FGF12: variants seen among roughly 807,000 people sequenced by gnomAD.
FGF12 encodes the protein fibroblast growth factor 12.
Under a neutral mutation model 23.6 loss-of-function variants are expected in FGF12, and 14 were observed. That is an observed-to-expected ratio of 0.59 (90% CI 0.39 to 0.93). The LOEUF (loss-of-function observed/expected upper bound fraction) is 0.93. Ranked by LOEUF, FGF12 falls within the 40% of genes least tolerant of loss-of-function variation. FGF12 has a pLI of 0.00. For missense variants in FGF12, 175 were observed against 217.8 expected (o/e 0.80, Z 1.24); for synonymous variants, 62 against 77.3 (o/e 0.80, Z 1.04).
chr3:192,414,095 C>T (rs1721275683), intron 2 of FGF12, among the ~76,000 whole-genome samples: 1 of 152,116 alleles, frequency 6.6e-6, no homozygotes, highest in South Asian at 2.1e-4. Context: ...GATTTAATTC[C>T]TCTTTATGAC....
chr3:192,435,194 A>AT (rs1721979667), intron 2 of FGF12, among the ~76,000 whole-genome samples: 1 of 152,214 alleles, frequency 6.6e-6, no homozygotes, highest in African/African-American at 2.4e-5. Context: ...TTAGAAGAAC[A>AT]TTCCAGGCTG....
intron 3 of FGF12, among the ~76,000 whole-genome samples, chr3:192,355,216 T>TTAGGATA (rs1207546251): frequency 6.6e-6 from 1 of 152,222 alleles, no homozygotes; most frequent in Non-Finnish European, 1.5e-5. Context: ...AGGATATTCT[T>TTAGGATA]TATAGGATTG....
intron 2 of FGF12, among the ~76,000 whole-genome samples, chr3:192,464,535 TG>T (rs1722955070): frequency 6.6e-6 from 1 of 150,598 alleles, no homozygotes; most frequent in African/African-American, 2.5e-5. Flanking sequence ...TGTGTGTGTG[TG>T]TGTGTGTGTA....
chr3:192,178,690 G>A (rs1455644957), intron 4 of FGF12, among the ~76,000 whole-genome samples: 2 of 152,146 alleles, frequency 1.3e-5, no homozygotes, highest in Non-Finnish European at 2.9e-5. Context: ...TAGAGACAGG[G>A]TTTCACCCTG....
At chr3:192,332,637 A>T (rs996296217) in intron 4 of FGF12, among the ~76,000 whole-genome samples, 1 of 152,082 alleles carries the variant, frequency 6.6e-6, no homozygotes, top group African/African-American at 2.4e-5. Context: ...GTAACAAGGG[A>T]ATTACTTCCT....
chr3:192,556,746 A>T lies in FGF12; in HGVS notation c.13+170435T>A, dbSNP rs146978831. 8.5e-5 allele frequency among the ~76,000 whole-genome samples: 13 copies of T among 152,276 alleles called. No individual in the cohort carries two copies. In the East Asian group the frequency reaches 2.5e-3, roughly 29 times the overall value. ...AAGTGCACACAAAACATTCTCCAGG[A>T]TAGATCACGTGTTGGGTCGCAAAAG... On this transcript the variant is annotated intron_variant, in intron 2 of 5. Transcript: ENST00000445105.
intron 2 of FGF12, among the ~76,000 whole-genome samples, chr3:192,511,783 T>G (rs993404466): frequency 6.6e-6 from 1 of 152,144 alleles, no homozygotes; most frequent in Non-Finnish European, 1.5e-5. Context: ...CAACCTTGTC[T>G]GAGATTGTCC....
At chr3:192,256,570 C>A (rs1173021940) in intron 4 of FGF12, among the ~76,000 whole-genome samples, 1 of 151,938 alleles carries the variant, frequency 6.6e-6, no homozygotes, top group African/African-American at 2.4e-5. Context: ...ATGGCATATG[C>A]CATATATTTA....
intron 2 of FGF12, among the ~76,000 whole-genome samples, chr3:192,459,188 A>G (rs1267051287): frequency 6.6e-6 from 1 of 152,208 alleles, no homozygotes; most frequent in East Asian, 1.9e-4. Context: ...CTATTTTTGT[A>G]ACATAATTCC....
At position 192,315,277 on chromosome 3, in the gene FGF12, G is replaced by A. The variant is rs1036109143; in HGVS notation, c.228+20084C>T. On this transcript the variant is annotated intron_variant, in intron 4 of 5. Coordinates refer to ENST00000445105, the MANE Select transcript of FGF12 (RefSeq NM_004113.6). Reference sequence around the variant, plus strand: ...TTGTTTCGTCGTTGTTGTTGTTGTTGTTTTATGTCTTTTTTCTCAGTGCTA... The same window carrying A: ...TTGTTTCGTCGTTGTTGTTGTTGTTATTTTATGTCTTTTTTCTCAGTGCTA... Among the ~76,000 whole-genome samples the A allele has an allele frequency of 3.3e-5, 5 of 152,070 alleles. No individual in the cohort carries two copies. The South Asian group carries it at 6.2e-4, about 19-fold the overall frequency.
chr3:192,668,429 G>T (rs1716979919), intron 2 of FGF12, among the ~76,000 whole-genome samples: 1 of 152,102 alleles, frequency 6.6e-6, no homozygotes, highest in African/African-American at 2.4e-5. Context: ...GTCTGAGATA[G>T]GCTCTCCAAA....
chr3:192,496,661 A>G (rs1274371893), intron 2 of FGF12, among the ~76,000 whole-genome samples: 2 of 152,086 alleles, frequency 1.3e-5, no homozygotes, highest in African/African-American at 4.8e-5. Flanking sequence ...AGCCCTTTCA[A>G]ATCAGACTTT....
intron 2 of FGF12, among the ~76,000 whole-genome samples, chr3:192,549,624 T>C (rs1017376023): frequency 3.3e-5 from 5 of 152,200 alleles, no homozygotes; most frequent in Admixed American, 6.5e-5. Flanking sequence ...AGGGTGTTTC[T>C]AGATGAGACT....
Position 192,190,328 on chromosome 3 carries a change from T to C in FGF12, c.229-19672A>G, listed in dbSNP as rs1183892563. ...AAAAACTATTTTAAAGGGCAAATGA[T>C]TAATTCATTGAAAATATTTTAAAGC... is the stretch of plus-strand genomic sequence containing the variant. On this transcript the variant is annotated intron_variant, in intron 4 of 5. Transcript: ENST00000445105. Among the ~76,000 whole-genome samples the C allele has an allele frequency of 3.3e-5, 5 of 152,248 alleles. 1 individual carries two copies. In the East Asian group the frequency reaches 9.6e-4, roughly 29 times the overall value.
At chr3:192,416,827 G>A (rs1307303614) in intron 2 of FGF12, among the ~76,000 whole-genome samples, 1 of 152,122 alleles carries the variant, frequency 6.6e-6, no homozygotes, top group African/African-American at 2.4e-5. Flanking sequence ...AGATGTCTGT[G>A]TGTCTGCGAA....
chr3:192,257,980 A>T (rs1422149423), intron 4 of FGF12, among the ~76,000 whole-genome samples: 5 of 151,782 alleles, frequency 3.3e-5, no homozygotes, highest in Admixed American at 3.3e-4. Context: ...TGTGATTCAG[A>T]ACCAGTGAAG....
intron 2 of FGF12, among the ~76,000 whole-genome samples, chr3:192,698,279 C>G (rs1718188282): frequency 6.6e-6 from 1 of 152,058 alleles, no homozygotes; most frequent in African/African-American, 2.4e-5. Context: ...TATATATGAC[C>G]TCCTCTAACA....
intron 4 of FGF12, among the ~76,000 whole-genome samples, chr3:192,288,859 T>C (rs1389282000): frequency 6.6e-6 from 1 of 152,092 alleles, no homozygotes; most frequent in Non-Finnish European, 1.5e-5. Context: ...ATAAACACTA[T>C]ATTTCCATTT....
intron 4 of FGF12, among the ~76,000 whole-genome samples, chr3:192,194,903 C>CA (rs1716983686): frequency 6.6e-6 from 1 of 152,122 alleles, no homozygotes; most frequent in Admixed American, 6.5e-5. Context: ...ATTTATATAG[C>CA]AAGGATTTAC....
Sources: allele counts gnomAD v4.1 joint callset (sites outside exome capture counted in the v4.1 genomes callset), GRCh38; gene constraint gnomAD v4.1.1; transcripts MANE v1.5; gene names NCBI Gene and HGNC (gene_info 2026-07-23, HGNC 2026-07-21).